Variants in ZC3HC1 observed in about 807,000 individuals in gnomAD.
The protein encoded by ZC3HC1 is zinc finger C3HC-type protein 1.
In ZC3HC1, 38 loss-of-function variants were observed where a neutral mutation model predicts 61.9. The observed-to-expected ratio is 0.61, with a 90% confidence interval of 0.47 to 0.81. The LOEUF is 0.81. ZC3HC1 is among the 30% of genes least tolerant of loss of function. ZC3HC1 has a pLI of 0.00. For missense variants in ZC3HC1, 554 were observed against 622.7 expected, an observed-to-expected ratio of 0.89 and a Z score of 1.17; for synonymous variants, 213 against 229.9, an observed-to-expected ratio of 0.93 and a Z score of 0.67.
intron 4 of ZC3HC1, among the ~76,000 whole-genome samples, chr7:130,035,375 G>T: frequency 7.0e-6 from 1 of 142,298 alleles, no homozygotes; most frequent in South Asian, 2.3e-4. Flanking sequence ...CTGGGCAACA[G>T]AGTGAGACTG....
intron 1 of ZC3HC1, 59 bp downstream of exon 1, chr7:130,051,162 C>T (rs1343064264): frequency 6.5e-7 from 1 of 1,544,328 alleles, no homozygotes; most frequent in African/African-American, 1.4e-5. Flanking sequence ...CCCGCCACCC[C>T]TTCCCCAAGC....
chr7:130,041,224 G>A (rs1316043049), intron 2 of ZC3HC1, 123 bp from the exon 3 acceptor site: 6 of 1,142,902 alleles, frequency 5.2e-6, no homozygotes, highest in Non-Finnish European at 7.1e-6. Context: ...TTCTCACTCT[G>A]TCTCCCAGGC....
In ZC3HC1 at chr7:130,024,331, C is replaced by T. The variant is rs766310847; in HGVS notation, c.952G>A (p.Val318Met). Residue 318 changes from valine to methionine, a missense_variant, in exon 7 of 10, where the codon GTG becomes ATG. Transcript: ENST00000358303. ...ATCATCCTCCGAGGAGATTCAGGCA[C>T]CAGAGGTAAGCGCTCTGGTCGCCCC... ...LEGRPERLPLVPESPRRMMTR... is the reference protein window; with the variant it reads ...LEGRPERLPLMPESPRRMMTR... 2.5e-6 allele frequency: 4 copies of T among 1,614,080 alleles called. No individual in the cohort carries two copies. The Admixed American group carries it at 5.0e-5, about 20-fold the overall frequency.
intron 8 of ZC3HC1, chr7:130,022,972 C>T (rs944475645): frequency 5.1e-6 from 1 of 196,864 alleles, no homozygotes; most frequent in African/African-American, 2.4e-5. Context: ...TTATGAGAGT[C>T]TGACACCTCA....
intron 4 of ZC3HC1, among the ~76,000 whole-genome samples, chr7:130,035,511 C>T (rs1337509069): frequency 2.0e-5 from 3 of 151,820 alleles, no homozygotes; most frequent in Non-Finnish European, 4.4e-5. Flanking sequence ...TTCAGCATTC[C>T]CCAAATATAT....
Position 130,022,393 on chromosome 7 carries a change from G to A in ZC3HC1, c.1366C>T (p.Pro456Ser). ...ATGGTCAGCACTGCTTTCCAGCCTG[G>A]CTCTGCTGGGGCGCTGGCATCTGGT... ...TEPDASAPAE[P>S]GWKAVLTILL... Residue 456 changes from proline to serine, a missense_variant, in exon 9 of 10, where the codon CCA (proline) becomes TCA (serine). Coordinates refer to ENST00000358303, the MANE Select transcript of ZC3HC1 (RefSeq NM_016478.5). 3 of 1,613,698 alleles carry A rather than the reference G, an allele frequency of 1.9e-6. No homozygotes were observed. The highest frequency in any genetic ancestry group is 2.5e-6 in the Non-Finnish European group (3 of 1,179,812).
At chr7:130,040,546 C>A (rs899108627) in intron 3 of ZC3HC1, among the ~76,000 whole-genome samples, 1 of 151,170 alleles carries the variant, frequency 6.6e-6, no homozygotes, top group African/African-American at 2.4e-5. Flanking sequence ...TGGCTTACCC[C>A]TGTAATCTCT....
intron 4 of ZC3HC1, among the ~76,000 whole-genome samples, chr7:130,032,913 A>G (rs2116714045): frequency 6.6e-6 from 1 of 152,312 alleles, no homozygotes; most frequent in East Asian, 1.9e-4. Context: ...TTACAAATAT[A>G]TCAGTGCTCT....
At chr7:130,029,162 G>A in intron 4 of ZC3HC1, 133 bp from the exon 5 acceptor site, 1 of 1,008,248 alleles carries the variant, frequency 9.9e-7, no homozygotes, top group Non-Finnish European at 1.3e-6. Flanking sequence ...CCTGAGGTCA[G>A]GAGTTCAAGA....
At chr7:130,041,744 G>A (rs907670414) in intron 2 of ZC3HC1, among the ~76,000 whole-genome samples, 2 of 150,894 alleles carry the variant, frequency 1.3e-5, no homozygotes, top group African/African-American at 4.9e-5. Flanking sequence ...GGCCAGGTTG[G>A]TCCTGAACTT....
intron 6 of ZC3HC1, among the ~76,000 whole-genome samples, chr7:130,025,635 G>A (rs571800223): frequency 6.6e-6 from 1 of 151,932 alleles, no homozygotes; most frequent in East Asian, 1.9e-4. Flanking sequence ...TTGGGAGGCC[G>A]AGGCAGGCAG....
intron 4 of ZC3HC1, among the ~76,000 whole-genome samples, chr7:130,032,719 G>GGAAGGA (rs1563079390): frequency 2.6e-5 from 2 of 77,262 alleles, no homozygotes; most frequent in African/African-American, 4.7e-5. Context: ...GGAAGGAAGG[G>GGAAGGA]AAGGAGGGAG....
chr7:130,049,160 A>G lies in ZC3HC1; in HGVS notation c.147-16T>C. ...CGTGTCCTTCCTAATATAAAGTGGC[A>G]AAACTGTTGGTAAACCTTTCACAGT... On this transcript the variant is annotated splice_polypyrimidine_tract_variant and intron_variant, in intron 1 of 9. Coordinates refer to ENST00000358303, the MANE Select transcript of ZC3HC1 (RefSeq NM_016478.5). 1.3e-6 allele frequency: 2 copies of G among 1,577,206 alleles called. No individual in the cohort carries two copies. The highest frequency in any genetic ancestry group is 1.7e-6 in the Non-Finnish European group (2 of 1,161,690).
At chr7:130,032,715 A>AAGGG (rs1384650674) in intron 4 of ZC3HC1, among the ~76,000 whole-genome samples, 52 of 89,780 alleles carry the variant, frequency 5.8e-4, no homozygotes, top group South Asian at 1.8e-3. Context: ...GGAAGGAAGG[A>AAGGG]AGGGAAGGAG....
At chr7:130,020,888 T>G (rs1793613548) in intron 9 of ZC3HC1, among the ~76,000 whole-genome samples, 1 of 151,980 alleles carries the variant, frequency 6.6e-6, no homozygotes, top group Non-Finnish European at 1.5e-5. Context: ...TTACTAAGGG[T>G]ACTAATATAC....
chr7:130,040,642 CA>C (rs138001319), intron 3 of ZC3HC1, among the ~76,000 whole-genome samples: 17 of 136,262 alleles, frequency 1.2e-4, no homozygotes, highest in African/African-American at 2.4e-4. Flanking sequence ...CCCACCTCTA[CA>C]AAAAAAAAAC....
chr7:130,039,495 C>T lies in ZC3HC1; in HGVS notation c.462G>A (p.Lys154=), dbSNP rs1267359910. Residue 154 remains lysine, a synonymous_variant, in exon 4 of 10, where the codon AAG becomes AAA. Transcript: ENST00000358303. ...LKKALCTAHE[K]FCFWPDSPSP... ...ATGGGCTGTCTGGCCAGAAACAGAA[C>T]TTCTCATGGGCAGTACACAAGGCTT... 6.2e-7 allele frequency: 1 copy of T among 1,612,546 alleles called. No individual in the cohort carries two copies. The highest frequency in any genetic ancestry group is 8.5e-7 in the Non-Finnish European group (1 of 1,179,620).
Position 130,023,798 on chromosome 7 carries a change from T to C in ZC3HC1, c.1021-75A>G. On this transcript the variant is annotated intron_variant, in intron 7 of 9. Coordinates refer to ENST00000358303, the MANE Select transcript of ZC3HC1 (RefSeq NM_016478.5). The surrounding 1 kb of genome is among the most constrained non-coding windows in gnomAD (Gnocchi z 4.2). Reference sequence around the variant, plus strand: ...TGGTCAGAAATACTTCTTTCTTTAATCTTTTTTCTTTTTTTTTTTGAGACA... The same window carrying C: ...TGGTCAGAAATACTTCTTTCTTTAACCTTTTTTCTTTTTTTTTTTGAGACA... The C allele has an allele frequency of 1.6e-6, 2 of 1,259,786 alleles. No homozygotes were observed. The highest frequency in any genetic ancestry group is 1.1e-6 in the Non-Finnish European group (1 of 915,734). The allele number at this position is 1,259,786 out of a possible 1,614,324, so 78.0% of individuals were successfully genotyped here.
At chr7:130,022,167 A>G in intron 9 of ZC3HC1, 152 bp downstream of exon 9, 1 of 1,016,562 alleles carries the variant, frequency 9.8e-7, no homozygotes. Context: ...ACGAGACTCC[A>G]TCTCAAAAAA....
Sources: gnomAD v4.1 joint callset for allele counts (sites outside exome capture counted in the v4.1 genomes callset) on GRCh38, gnomAD v4.1.1 for gene constraint, Gnocchi (gnomAD v3.1) non-coding constraint, MANE v1.5 for transcripts, NCBI Gene and HGNC (gene_info 2026-07-23, HGNC 2026-07-21) for gene names.